ZSCAN31: variants seen among roughly 807,000 people sequenced by gnomAD.
ZSCAN31 encodes the protein zinc finger and SCAN domain containing 31, also known as zinc finger and SCAN domain-containing protein 31.
ZSCAN31 carries 14 observed loss-of-function variants against 22.5 expected under a neutral mutation model. That is an observed-to-expected ratio of 0.62 (90% CI 0.41 to 0.97). ZSCAN31 has a LOEUF of 0.97. Among genes scored for constraint, ZSCAN31 ranks in the 50% least tolerant of loss-of-function variants. The probability of loss-of-function intolerance (pLI) is 0.00; values close to 1 mark genes in which losing one functional copy is unlikely to be tolerated. For synonymous variants in ZSCAN31, 168 were observed against 169.8 expected, an observed-to-expected ratio of 0.99 and a Z score of 0.08; for missense variants, 424 against 483.4, an observed-to-expected ratio of 0.88 and a Z score of 1.15.
chr6:28,346,606 C>A (rs1418619597), intron 2 of ZSCAN31, among the ~76,000 whole-genome samples: 1 of 152,122 alleles, frequency 6.6e-6, no homozygotes, highest in Non-Finnish European at 1.5e-5. Flanking sequence ...ATCCACCCAT[C>A]TCAGCCTCTC....
Position 28,326,518 on chromosome 6 carries a change from G to T in ZSCAN31, c.869C>A (p.Thr290Asn). 1.2e-6 allele frequency: 2 copies of T among 1,614,234 alleles called. No individual in the cohort carries two copies. The highest frequency in any genetic ancestry group is 1.7e-6 in the Non-Finnish European group (2 of 1,180,044). Residue 290 changes from threonine (T) to asparagine (N), a missense_variant, in exon 4 of 4, where the codon ACT becomes AAT. Transcript: ENST00000344279. ...SSLNEHRRSH[T>N]GEKPYQCKEC... ...CTTACATTGATAGGGTTTCTCTCCA[G>T]TGTGGCTCCGCCGATGTTCATTCAG...
Position 28,326,339 on chromosome 6 carries a change from G to A in ZSCAN31, c.1048C>T (p.Arg350Cys), listed in dbSNP as rs368001785. ...QHQRIHTGEK[R>C]YQCRECGKAF... ...TTGCCACACTCACGACACTGATAGC[G>A]CTTCTCTCCAGTGTGTATCCTCTGA... The change falls in exon 4 of 4, where the codon CGC becomes TGC. Residue 350 changes from arginine (R) to cysteine (C), a missense_variant. Coordinates refer to ENST00000344279, the MANE Select transcript of ZSCAN31 (RefSeq NM_030899.5). 8.1e-6 allele frequency: 13 copies of A among 1,614,098 alleles called. No homozygotes were observed. The highest frequency in any genetic ancestry group is 3.3e-5 in the South Asian group (3 of 91,092).
At chr6:28,335,357 T>A (rs1764063346) in intron 1 of ZSCAN31, 1 of 152,194 alleles carries the variant, frequency 6.6e-6, no homozygotes, top group Admixed American at 6.6e-5. Flanking sequence ...GCACAGAACC[T>A]CCAGCTCACT....
intron 3 of ZSCAN31, 147 bp from the exon 4 acceptor site, chr6:28,327,001 G>T: frequency 1.2e-6 from 1 of 836,250 alleles, no homozygotes; most frequent in African/African-American, 1.7e-5. Flanking sequence ...GTTAAACAGG[G>T]ATGTTTAGGC....
In ZSCAN31 at chr6:28,326,374, A is replaced by C; in HGVS notation, c.1013T>G (p.Leu338Arg). 1.2e-6 allele frequency: 2 copies of C among 1,614,200 alleles called. No homozygotes were observed. Among genetic ancestry groups the C allele is most frequent in the Non-Finnish European group, 1.7e-6 (2 of 1,180,032 alleles). ...CGKAFLLSSC[L>R]VQHQRIHTGE... ...AGTGTGTATCCTCTGATGCTGAACAAGGCATGAGCTGAGGAGGAAAGCCTT... is the reference window on the plus strand; with the variant it reads ...AGTGTGTATCCTCTGATGCTGAACACGGCATGAGCTGAGGAGGAAAGCCTT... Residue 338 changes from leucine to arginine, a missense_variant, in exon 4 of 4, where the codon CTT (leucine) becomes CGT (arginine). Coordinates refer to ENST00000344279, the MANE Select transcript of ZSCAN31 (RefSeq NM_030899.5).
At chr6:28,334,465 A>C (rs191787030) in intron 1 of ZSCAN31, among the ~76,000 whole-genome samples, 1 of 152,274 alleles carries the variant, frequency 6.6e-6, no homozygotes, top group African/African-American at 2.4e-5. Flanking sequence ...GTTTTCATTC[A>C]CGTCAGCATA....
In ZSCAN31 at chr6:28,326,286, G is replaced by C. The variant is rs1260714138; in HGVS notation, c.1101C>G (p.Phe367Leu). The C allele has an allele frequency of 6.2e-7, 1 of 1,613,376 alleles. No homozygotes were observed. The highest frequency in any genetic ancestry group is 1.3e-5 in the African/African-American group (1 of 74,656). Residue 367 changes from phenylalanine to leucine, a missense_variant, in exon 4 of 4, where the codon TTC (phenylalanine) becomes TTG (leucine). Phe to Leu is a conservative substitution (Grantham distance 22, BLOSUM62 0). Transcript: ENST00000344279. ...CACCAGTGTGGACTCGGAGATGCTG[G>C]AAAAGCCCTGCATTCTGAATGAAGG... ...GKAFIQNAGL[F>L]QHLRVHTGEK...
At chr6:28,327,802 T>C (rs946612588) in intron 2 of ZSCAN31, among the ~76,000 whole-genome samples, 23 of 152,094 alleles carry the variant, frequency 1.5e-4, no homozygotes, top group African/African-American at 5.6e-4. Flanking sequence ...TCAACTCTAC[T>C]GAATAGAAAG....
chr6:28,332,352 G>A (rs1464695521), intron 1 of ZSCAN31: 1 of 152,176 alleles, frequency 6.6e-6, no homozygotes, highest in Non-Finnish European at 1.5e-5. Flanking sequence ...CAAATTTGGT[G>A]TCATCTGATA....
chr6:28,340,138 C>G (rs1764358186), upstream of ZSCAN31, among the ~76,000 whole-genome samples: 1 of 152,230 alleles, frequency 6.6e-6, no homozygotes, highest in African/African-American at 2.4e-5. Context: ...ATGACTGTTA[C>G]AGTAATTACA....
chr6:28,345,886 G>A (rs1764623009), intron 2 of ZSCAN31, among the ~76,000 whole-genome samples: 1 of 152,130 alleles, frequency 6.6e-6, no homozygotes, highest in Non-Finnish European at 1.5e-5. Flanking sequence ...TCATCCTCCA[G>A]AGCAAAGTAT....
chr6:28,343,318 T>G (rs1284628728), intron 2 of ZSCAN31, among the ~76,000 whole-genome samples: 1 of 152,044 alleles, frequency 6.6e-6, no homozygotes, highest in East Asian at 1.9e-4. Context: ...GAAAAAAATT[T>G]TTTGCATCCC....
chr6:28,342,696 T>C (rs948175825), intron 2 of ZSCAN31, among the ~76,000 whole-genome samples: 2 of 152,236 alleles, frequency 1.3e-5, no homozygotes, highest in African/African-American at 4.8e-5. Flanking sequence ...ATGTTGCTTA[T>C]ATACAGATGG....
chr6:28,329,355 G>A lies in ZSCAN31; in HGVS notation c.329C>T (p.Ala110Val). 1 of 1,610,538 alleles carries A rather than the reference G, an allele frequency of 6.2e-7. No homozygotes were observed. Among genetic ancestry groups the A allele is most frequent in the Non-Finnish European group, 8.5e-7 (1 of 1,178,526 alleles). Residue 110 changes from alanine (A) to valine (V), a missense_variant, in exon 2 of 4, where the codon GCT (alanine) becomes GTT (valine). Coordinates refer to ENST00000344279, the MANE Select transcript of ZSCAN31 (RefSeq NM_030899.5). ...TTCCAGATCTTCAACTACAGCCACA[G>A]CCTCCTCCCCACTCTCCGGATGGTG... is the stretch of plus-strand genomic sequence containing the variant. ...REHHPESGEE[A>V]VAVVEDLEQE...
intron 2 of ZSCAN31, chr6:28,353,621 G>A (rs558111687): frequency 3.4e-6 from 1 of 295,494 alleles, no homozygotes. Flanking sequence ...GGGGCATATT[G>A]AATTGGATTT....
intron 2 of ZSCAN31, among the ~76,000 whole-genome samples, chr6:28,344,016 A>T (rs1235898717): frequency 6.6e-6 from 1 of 152,174 alleles, no homozygotes; most frequent in Non-Finnish European, 1.5e-5. Context: ...CCCTTATCAT[A>T]TTATAGTCAG....
intron 2 of ZSCAN31, among the ~76,000 whole-genome samples, chr6:28,352,531 G>T (rs758397): frequency 0.088 from 13,344 of 152,176 alleles, 833 homozygotes; most frequent in East Asian, 0.3. Context: ...TTACAGGTGT[G>T]AGCCACTGCA....
chr6:28,343,177 G>T (rs1040927743), intron 2 of ZSCAN31, among the ~76,000 whole-genome samples: 2 of 152,160 alleles, frequency 1.3e-5, no homozygotes, highest in Admixed American at 1.3e-4. Flanking sequence ...AAACTGGAAT[G>T]AACATATTTG....
chr6:28,336,727 T>C (rs1232407133), upstream of ZSCAN31: 1 of 152,214 alleles, frequency 6.6e-6, no homozygotes, highest in Non-Finnish European at 1.5e-5. Context: ...GGTTGTAAAA[T>C]GGCATCACTA....
Sources: gnomAD v4.1 joint callset for allele counts (sites outside exome capture counted in the v4.1 genomes callset) on GRCh38, gnomAD v4.1.1 for gene constraint, MANE v1.5 for transcripts, NCBI Gene and HGNC (gene_info 2026-07-23, HGNC 2026-07-21) for gene names.